Variants in LDHA observed in about 807,000 individuals in gnomAD.
The protein encoded by LDHA is lactate dehydrogenase A.
A neutral mutation model predicts 36.3 loss-of-function variants in LDHA; 10 were observed. That is an observed-to-expected ratio of 0.28 (90% CI 0.17 to 0.47). The LOEUF (loss-of-function observed/expected upper bound fraction) is 0.47, where lower values mean the gene tolerates loss of function less well. Ranked by LOEUF, LDHA falls within the 20% of genes least tolerant of loss-of-function variation. LDHA has a pLI of 0.99. For missense variants in LDHA, 267 were observed against 405.8 expected, an observed-to-expected ratio of 0.66 and a Z score of 2.94; for synonymous variants, 110 against 136.7, an observed-to-expected ratio of 0.80 and a Z score of 1.36.
chr11:18,402,770 A>G (rs1247581694), intron 4 of LDHA, 70 bp from the exon 5 acceptor site: 1 of 1,181,056 alleles, frequency 8.5e-7, no homozygotes, highest in Non-Finnish European at 1.3e-6. Context: ...TGTTTTCTTC[A>G]TAGTAGGTAT....
intron 6 of LDHA, among the ~76,000 whole-genome samples, chr11:18,405,168 A>T (rs1866641221): frequency 6.6e-6 from 1 of 152,092 alleles, no homozygotes; most frequent in Non-Finnish European, 1.5e-5. Flanking sequence ...TTATTTTTTG[A>T]TAGCTGTGTA....
chr11:18,395,940 C>G (rs1256658037), intron 1 of LDHA, among the ~76,000 whole-genome samples: 4 of 152,244 alleles, frequency 2.6e-5, no homozygotes, highest in African/African-American at 9.6e-5. Context: ...GGTTAACAGG[C>G]CCTGGTTTCT....
intron 6 of LDHA, among the ~76,000 whole-genome samples, chr11:18,404,707 C>T (rs1205049273): frequency 1.5e-4 from 23 of 149,910 alleles, no homozygotes. Flanking sequence ...ACTCGGGAGG[C>T]TGAGGCAGGA....
At chr11:18,404,807 C>CAAAA (rs10684351) in intron 6 of LDHA, among the ~76,000 whole-genome samples, 1 of 125,590 alleles carries the variant, frequency 8.0e-6, no homozygotes, top group Non-Finnish European at 1.7e-5. Context: ...GACTCCGTCT[C>CAAAA]AAAAAAAAAA....
Position 18,403,592 on chromosome 11 carries a change from T to C in LDHA, c.593-102T>C. On this transcript the variant is annotated intron_variant, in intron 5 of 7. Transcript: ENST00000422447. The stretch of plus-strand genomic sequence containing the variant: ...TAGTAGTCTTGACCATCTACCAAAA[T>C]TGAGTATTCTTCCTCCGAAGATAAG... The C allele has an allele frequency of 3.6e-6, 3 of 827,184 alleles. No individual in the cohort carries two copies. The Admixed American group carries it at 5.1e-5, about 14-fold the overall frequency. 51.2% of individuals were successfully genotyped at this position (827,184 alleles called of 1,614,324 possible).
intron 5 of LDHA, among the ~76,000 whole-genome samples, chr11:18,403,396 TGTA>T (rs1350517322): frequency 6.6e-6 from 1 of 152,210 alleles, no homozygotes; most frequent in African/African-American, 2.4e-5. Context: ...GATTAGGTTC[TGTA>T]TGCTAAGAAA....
At chr11:18,407,069 A>C in intron 7 of LDHA, 48 bp from the exon 8 acceptor site, 41 of 1,387,816 alleles carry the variant, frequency 3.0e-5, no homozygotes, top group Non-Finnish European at 3.8e-5. Context: ...GAAACCTGGG[A>C]ATGCATAGAC....
rs1866462773 is a variant in LDHA at position 18,400,900 on chromosome 11, G to A, written c.308G>A (p.Gly103Glu). 1 of 1,613,352 alleles carries A rather than the reference G, an allele frequency of 6.2e-7. No individual in the cohort carries two copies. Among genetic ancestry groups the A allele is most frequent in the African/African-American group, 1.3e-5 (1 of 74,816 alleles). ...IITAGARQQE[G>E]ESRLNLVQRN... ...ACGGCTGGGGCACGTCAGCAAGAGG[G>A]AGAAAGCCGTCTTAATTTGGTCCAG... The change falls in exon 4 of 8, where the codon GGA becomes GAA. Residue 103 changes from glycine to glutamate, a missense_variant. Coordinates refer to ENST00000422447, the MANE Select transcript of LDHA (RefSeq NM_005566.4).
At position 18,407,295 on chromosome 11, in the gene LDHA, CAT is replaced by C. The variant is rs780014361; in HGVS notation, c.*17_*18del. 6 of 1,612,600 alleles carry C rather than the reference CAT, an allele frequency of 3.7e-6. No individual in the cohort carries two copies. The highest frequency in any genetic ancestry group is 5.1e-6 in the Non-Finnish European group (6 of 1,179,630). ...CTGCAATTTTAAAGTCTTCTGATGT[CAT>C]ATCATTTCACTGTCTAGGCTACAAC... On this transcript the variant is annotated 3_prime_UTR_variant, in exon 8 of 8. Coordinates refer to ENST00000422447, the MANE Select transcript of LDHA (RefSeq NM_005566.4).
intron 1 of LDHA, 127 bp from the exon 2 acceptor site, chr11:18,396,691 CT>C: frequency 7.4e-7 from 1 of 1,358,448 alleles, no homozygotes; most frequent in Non-Finnish European, 9.9e-7. Context: ...TTTCCCCTCC[CT>C]TTTTAGTCAT....
chr11:18,399,711 C>A (rs1460650308), intron 3 of LDHA, 163 bp downstream of exon 3: 25 of 662,392 alleles, frequency 3.8e-5, no homozygotes, highest in East Asian at 3.7e-4. Context: ...ATTACCCCCT[C>A]CCCCTCACAA....
At chr11:18,396,568 C>CG in intron 1 of LDHA, 1 of 1,382,232 alleles carries the variant, frequency 7.2e-7, no homozygotes, top group Non-Finnish European at 9.3e-7. Flanking sequence ...CCTCAGGAGG[C>CG]TATACTTACA....
Position 18,407,369 on chromosome 11 carries a change from G to A in LDHA, c.*88G>A, listed in dbSNP as rs562694907. On this transcript the variant is annotated 3_prime_UTR_variant, in exon 8 of 8. Transcript: ENST00000422447. ...GCATGTTGTCCTTTTTATCTGATCTGTGATTAAAGCAGTAATATTTTAAGA... is the reference window on the plus strand; with the variant it reads ...GCATGTTGTCCTTTTTATCTGATCTATGATTAAAGCAGTAATATTTTAAGA... The A allele has an allele frequency of 1.9e-6, 3 of 1,607,460 alleles. No individual in the cohort carries two copies. The highest frequency in any genetic ancestry group is 1.7e-5 in the Admixed American group (1 of 59,374).
chr11:18,403,572 G>C (rs948609252), intron 5 of LDHA, 122 bp from the exon 6 acceptor site: 1 of 767,578 alleles, frequency 1.3e-6, no homozygotes, highest in African/African-American at 1.7e-5. Flanking sequence ...TACATTAGTA[G>C]TCTTGACCAT....
At position 18,402,978 on chromosome 11, in the gene LDHA, A is replaced by C; in HGVS notation, c.557A>C (p.His186Pro). 6.2e-7 allele frequency: 1 copy of C among 1,613,772 alleles called. No homozygotes were observed. Among genetic ancestry groups the C allele is most frequent in the African/African-American group, 1.3e-5 (1 of 75,046 alleles). ...CTGGGAGTTCACCCATTAAGCTGTC[A>C]TGGGTGGGTCCTTGGGGAACATGGA... ...ERLGVHPLSC[H>P]GWVLGEHGDS... The change falls in exon 5 of 8, where the codon CAT becomes CCT. Residue 186 changes from histidine to proline, a missense_variant. Physicochemically the swap from His to Pro is moderately conservative, Grantham distance 77 (BLOSUM62 -2). Transcript: ENST00000422447.
chr11:18,401,208 G>A (rs558750359), intron 4 of LDHA, among the ~76,000 whole-genome samples, 198 bp downstream of exon 4: 3 of 150,300 alleles, frequency 2.0e-5, no homozygotes, highest in Admixed American at 2.0e-4. Context: ...GGAGTGCAGT[G>A]GCGCAATCTG....
At chr11:18,401,274 C>CAAGT in intron 4 of LDHA, among the ~76,000 whole-genome samples, 1 of 150,304 alleles carries the variant, frequency 6.7e-6, no homozygotes, top group South Asian at 2.1e-4. Context: ...CTCAGCCTCT[C>CAAGT]AAGTAGCTGG....
At position 18,394,597 on chromosome 11, in the gene LDHA, T is replaced by C. The variant is rs200916427; in HGVS notation, c.-64T>C. ...CCGCTGCCGCCGATTCCGGATCTCA[T>C]TGCCACGCGCCCCCGACGACCGCCC... On this transcript the variant is annotated 5_prime_UTR_variant, in exon 1 of 8. Transcript: ENST00000422447. 7.2e-4 allele frequency: 325 copies of C among 454,052 alleles called. 1 individual carries two copies. The highest frequency in any genetic ancestry group is 4.9e-3 in the African/African-American group (244 of 50,108). 28.1% of individuals were successfully genotyped at this position (454,052 alleles called of 1,614,324 possible). A position where few individuals can be genotyped will look rare whatever the true frequency, so the allele number is the denominator to read the frequency against.
chr11:18,399,857 A>ATCG (rs1866420022), intron 3 of LDHA: 1 of 340,094 alleles, frequency 2.9e-6, no homozygotes. Flanking sequence ...AGCCTTCCGA[A>ATCG]GTACTGGGAT....
Sources: gnomAD v4.1 joint callset for allele counts (sites outside exome capture counted in the v4.1 genomes callset) on GRCh38, gnomAD v4.1.1 for gene constraint, MANE v1.5 for transcripts, NCBI Gene and HGNC (gene_info 2026-07-23, HGNC 2026-07-21) for gene names.